FLNA: variants seen among roughly 807,000 people sequenced by gnomAD.
FLNA encodes filamin A.
In FLNA, 7 loss-of-function variants were observed where a neutral mutation model predicts 157.6. The ratio of observed to expected loss-of-function variants is 0.04; its 90% CI spans 0.03 to 0.08. The LOEUF is 0.08. Among genes scored for constraint, FLNA ranks in the 10% least tolerant of loss-of-function variants. FLNA has a pLI of 1.00. For synonymous variants in FLNA, 1,103 were observed against 1,060.8 expected, an observed-to-expected ratio of 1.04 and a Z score of -0.77; for missense variants, 1,750 against 2,398.4, an observed-to-expected ratio of 0.73 and a Z score of 5.65.
intron 2 of FLNA, among the ~76,000 whole-genome samples, chrX:154,370,368 G>A (rs1181621182): frequency 8.9e-6 from 1 of 111,972 alleles, no homozygotes; most frequent in Non-Finnish European, 1.9e-5. Context: ...AGCCATCTCC[G>A]ATGGGCGACC....
chrX:154,361,176 G>C, intron 21 of FLNA, 132 bp downstream of exon 21: 1 of 622,333 alleles, frequency 1.6e-6, no homozygotes, highest in Non-Finnish European at 2.4e-6. Context: ...ACAGGGTCAA[G>C]GTTGACAGTC....
rs1603362191 is a variant in FLNA at position 154,364,013 on chromosome X, T to C, written c.2280+9A>G. On this transcript the variant is annotated intron_variant, in intron 15 of 47. Transcript: ENST00000369850. ...GAGATGGACTAAAGGCCGGTGGAGG[T>C]TGGCTCACCCTGAAGGGGCTGTTGG... 8 of 1,209,495 alleles carry C rather than the reference T, an allele frequency of 6.6e-6. No individual in the cohort carries two copies. Among genetic ancestry groups the C allele is most frequent in the Non-Finnish European group, 8.9e-6 (8 of 894,139 alleles).
In FLNA at chrX:154,350,014, C is replaced by T. The variant is rs781940800; in HGVS notation, c.7333+17G>A. The T allele has an allele frequency of 1.4e-5, 17 of 1,207,981 alleles. No homozygotes were observed. The highest frequency in any genetic ancestry group is 1.2e-4 in the South Asian group (7 of 56,821). ...TAGCAGCTGTGTGCACACGTGCAGC[C>T]GCACCGACAGACTTACCTGTGACAC... On this transcript the variant is annotated intron_variant, in intron 45 of 47. Transcript: ENST00000369850.
Position 154,371,194 on chromosome X carries a change from C to T in FLNA, c.52G>A (p.Gly18Ser), listed in dbSNP as rs1291341232. 1.7e-6 allele frequency: 2 copies of T among 1,196,442 alleles called. No individual in the cohort carries two copies. Among genetic ancestry groups the T allele is most frequent in the African/African-American group, 1.7e-5 (1 of 57,866 alleles). The change falls in exon 2 of 48, where the codon GGC becomes AGC. Residue 18 changes from glycine to serine, a missense_variant. Physicochemically the swap from Gly to Ser is moderately conservative, Grantham distance 56. Coordinates refer to ENST00000369850, the MANE Select transcript of FLNA (RefSeq NM_001110556.2). Reference protein sequence around the residue: ...AGQSAAGAAPGGGVDTRDAEM... With the variant: ...AGQSAAGAAPSGGVDTRDAEM... Reference sequence around the variant, plus strand: ...GCGTCCCGCGTGTCGACGCCGCCGCCCGGAGCCGCGCCTGCTGCGCTCTGG... The same window carrying T: ...GCGTCCCGCGTGTCGACGCCGCCGCTCGGAGCCGCGCCTGCTGCGCTCTGG...
In FLNA at chrX:154,359,868, G is replaced by A. The variant is rs367931067; in HGVS notation, c.3843C>T (p.Asp1281=). The stretch of plus-strand genomic sequence containing the variant: ...CTCCGGTCTGTGTCAGAGCCCGGGC[G>A]TCCACACTGAACTCAGTGGTGGCCT... ...FREATTEFSV[D]ARALTQTGGP... Residue 1281 remains aspartate (D), a synonymous_variant, in exon 23 of 48, where the codon GAC becomes GAT. Coordinates refer to ENST00000369850, the MANE Select transcript of FLNA (RefSeq NM_001110556.2). 2.3e-5 allele frequency: 28 copies of A among 1,209,400 alleles called. No individual in the cohort carries two copies. The highest frequency in any genetic ancestry group is 2.1e-4 in the East Asian group (7 of 33,781).
chrX:154,369,043 G>GA (rs782011381), intron 2 of FLNA, among the ~76,000 whole-genome samples: 40 of 112,817 alleles, frequency 3.5e-4, no homozygotes, highest in Non-Finnish European at 6.0e-4. Context: ...CTCATCTTTA[G>GA]AAGCCCTGTC....
At chrX:154,373,897 T>A (rs143328960) in intron 1 of FLNA, among the ~76,000 whole-genome samples, 1 of 112,321 alleles carries the variant, frequency 8.9e-6, no homozygotes, top group East Asian at 2.8e-4. Context: ...GGGACATTGT[T>A]GGTTATATCC....
intron 44 of FLNA, 163 bp from the exon 45 acceptor site, chrX:154,350,370 G>A (rs886460376): frequency 1.5e-5 from 7 of 479,465 alleles, no homozygotes; most frequent in African/African-American, 2.4e-5. Context: ...CCTCCTGAGG[G>A]CCGAAGGTTT....
At position 154,364,090 on chromosome X, in the gene FLNA, T is replaced by C. The variant is rs782391713; in HGVS notation, c.2212A>G (p.Arg738Gly). 1.7e-6 allele frequency: 2 copies of C among 1,209,405 alleles called. No individual in the cohort carries two copies. The highest frequency in any genetic ancestry group is 3.5e-5 in the African/African-American group (2 of 57,273). Residue 738 changes from arginine (R) to glycine (G), a missense_variant, in exon 15 of 48, where the codon AGG (arginine) becomes GGG (glycine). Around this residue, in one of 5 missense-constraint regions of FLNA, gnomAD observed 648 missense variants for 805.8 expected, o/e 0.80. Transcript: ENST00000369850. Reference protein sequence around the residue: ...NGTYSCSYVPRKPVKHTAMVS... With the variant: ...NGTYSCSYVPGKPVKHTAMVS... ...ATGGCTGTGTGCTTCACCGGCTTCC[T>C]GGGCACGTAGGAGCAGCTGTAAGTG...
chrX:154,352,827 G>A lies in FLNA; in HGVS notation c.6324C>T (p.Pro2108=), dbSNP rs782691221. The change falls in exon 39 of 48, where the codon CCC becomes CCT. Residue 2108 remains proline (P), a synonymous_variant. Coordinates refer to ENST00000369850, the MANE Select transcript of FLNA (RefSeq NM_001110556.2). ...TGATGATGTAGTTGCCTGGCTCTGT[G>A]GGGCAGTAGGTGACCCTGCACGTCC... ...EDGTCRVTYC[P]TEPGNYIINI... is the part of the protein sequence containing the mutation. 47 of 1,210,493 alleles carry A rather than the reference G, an allele frequency of 3.9e-5. No individual in the cohort carries two copies. Among genetic ancestry groups the A allele is most frequent in the Non-Finnish European group, 5.0e-5 (45 of 895,151 alleles).
rs2067736642 is a variant in FLNA at position 154,364,152 on chromosome X, C to T, written c.2150G>A (p.Cys717Tyr). ...GTCCTTGACCAACGCCTCCACAGGG[C>T]AGCCTTCATTGTCCTGTCAGGCAGA... ...LRVQVQDNEG[C>Y]PVEALVKDNG... Residue 717 changes from cysteine (C) to tyrosine (Y), a missense_variant, in exon 15 of 48, where the codon TGC becomes TAC. Physicochemically the swap from Cys to Tyr is radical, Grantham distance 194. Coordinates refer to ENST00000369850, the MANE Select transcript of FLNA (RefSeq NM_001110556.2). 12 of 1,211,401 alleles carry T rather than the reference C, an allele frequency of 9.9e-6. No homozygotes were observed. The East Asian group carries it at 3.5e-4, about 36-fold the overall frequency.
chrX:154,366,968 C>G lies in FLNA; in HGVS notation c.869-118G>C. On this transcript the variant is annotated intron_variant, in intron 5 of 47. Coordinates refer to ENST00000369850, the MANE Select transcript of FLNA (RefSeq NM_001110556.2). ...AGGCACATTCCAAACTGGGCAAGTT[C>G]ATTCAGTGTGAGCTGTGGCACAGAG... 5.1e-6 allele frequency: 3 copies of G among 590,657 alleles called. No individual in the cohort carries two copies. The Admixed American group carries it at 7.3e-5, about 14-fold the overall frequency. 48.7% of individuals were successfully genotyped at this position (590,657 alleles called of 1,213,427 possible).
rs886044822 is a variant in FLNA, at chrX:154,350,119, G to A, written c.7245C>T (p.Pro2415=). Residue 2415 remains proline, a synonymous_variant, in exon 45 of 48, where the codon CCC becomes CCT. Coordinates refer to ENST00000369850, the MANE Select transcript of FLNA (RefSeq NM_001110556.2). ...CAGGCTCCCCAACTCGGATCTTGAAGGGGCTTCCAGGGATGTGGGTGCCGT... is the reference window on the plus strand; with the variant it reads ...CAGGCTCCCCAACTCGGATCTTGAAAGGGCTTCCAGGGATGTGGGTGCCGT... The part of the protein sequence containing the change: ...KFNGTHIPGS[P]FKIRVGEPGH... 1 of 1,211,471 alleles carries A rather than the reference G, an allele frequency of 8.3e-7. No homozygotes were observed. Among genetic ancestry groups the A allele is most frequent in the Admixed American group, 2.2e-5 (1 of 46,143 alleles).
In FLNA at chrX:154,350,930, A is replaced by G. The variant is rs781881872; in HGVS notation, c.7135T>C (p.Tyr2379His). ...TCACCTTGGTCAATTTCTGTGACATAGCACTCCTCCAGGGCTCCTGAGGGG... is the reference window on the plus strand; with the variant it reads ...TCACCTTGGTCAATTTCTGTGACATGGCACTCCTCCAGGGCTCCTGAGGGG... ...HSPSGALEEC[Y>H]VTEIDQDKYA... The change falls in exon 44 of 48, where the codon TAT becomes CAT. Residue 2379 changes from tyrosine (Y) to histidine (H), a missense_variant. This residue lies in a region of FLNA where 970 missense variants were observed against 1,302.6 expected (regional missense o/e 0.74). Transcript: ENST00000369850. 17 of 1,209,968 alleles carry G rather than the reference A, an allele frequency of 1.4e-5. No individual in the cohort carries two copies. In the African/African-American group the frequency reaches 2.6e-4, roughly 19 times the overall value.
chrX:154,361,303 A>T lies in FLNA; in HGVS notation c.3207+5T>A, dbSNP rs782555499. ...TACCCTTAGGGCCTCCCATACCCCA[A>T]TTACCTTGCTAGGCTTGGTGGGGGC... On this transcript the variant is annotated splice_donor_5th_base_variant and intron_variant, in intron 21 of 47. Transcript: ENST00000369850. 3 of 1,209,719 alleles carry T rather than the reference A, an allele frequency of 2.5e-6. No homozygotes were observed. The East Asian group carries it at 8.9e-5, about 36-fold the overall frequency.
At position 154,350,162 on chromosome X, in the gene FLNA, A is replaced by G. The variant is rs1603358629; in HGVS notation, c.7202T>C (p.Leu2401Pro). 8.3e-7 allele frequency: 1 copy of G among 1,211,659 alleles called. No homozygotes were observed. Among genetic ancestry groups the G allele is most frequent in the Non-Finnish European group, 1.1e-6 (1 of 895,215 alleles). ...RFIPRENGVY[L>P]IDVKFNGTHI... ...GGTGCCGTTGAACTTGACGTCAATC[A>G]GGTAAACGCCATTCTCCCGAGGGAT... Residue 2401 changes from leucine (L) to proline (P), a missense_variant, in exon 45 of 48, where the codon CTG (leucine) becomes CCG (proline). This residue lies in a region of FLNA where 970 missense variants were observed against 1,302.6 expected (regional missense o/e 0.74). Transcript: ENST00000369850.
In FLNA at chrX:154,348,893, C is replaced by A. The variant is rs782341270; in HGVS notation, c.7900G>T (p.Asp2634Tyr). Residue 2634 changes from aspartate to tyrosine, a missense_variant, in exon 48 of 48, where the codon GAC becomes TAC. By Grantham distance (160) the Asp-to-Tyr change is radical. This residue lies in a region of FLNA where 970 missense variants were observed against 1,302.6 expected (regional missense o/e 0.74). Coordinates refer to ENST00000369850, the MANE Select transcript of FLNA (RefSeq NM_001110556.2). Reference protein sequence around the residue: ...GEYTLVVKWGDEHIPGSPYRV... With the variant: ...GEYTLVVKWGYEHIPGSPYRV... ...TAGGGGCTGCCTGGGATGTGCTCGT[C>A]CCCCCATTTGACCACCAGTGTGTAC... 5.0e-6 allele frequency: 6 copies of A among 1,208,664 alleles called. No homozygotes were observed. In the African/African-American group the frequency reaches 8.7e-5, roughly 18 times the overall value.
Position 154,364,308 on chromosome X carries a change from G to A in FLNA, c.2087C>T (p.Thr696Ile). 1 of 1,211,601 alleles carries A rather than the reference G, an allele frequency of 8.3e-7. No homozygotes were observed. Among genetic ancestry groups the A allele is most frequent in the Non-Finnish European group, 1.1e-6 (1 of 895,492 alleles). ...GVAVNKPAEF[T>I]VDAKHGGKAP... ...CTTGCCACCGTGCTTGGCATCCACT[G>A]TGAACTCTGCTGGCTTGTTGACGGC... Residue 696 changes from threonine to isoleucine, a missense_variant, in exon 14 of 48, where the codon ACA (threonine) becomes ATA (isoleucine). Thr to Ile is a moderately conservative substitution (Grantham distance 89). Around this residue, in one of 5 missense-constraint regions of FLNA, gnomAD observed 648 missense variants for 805.8 expected, o/e 0.80. Transcript: ENST00000369850.
chrX:154,354,533 G>A, intron 32 of FLNA, 50 bp from the exon 33 acceptor site: 1 of 1,177,674 alleles, frequency 8.5e-7, no homozygotes. Flanking sequence ...AGGATCTGGG[G>A]TCCCTCCTCA....
Sources: gnomAD v4.1 joint callset for allele counts (sites outside exome capture counted in the v4.1 genomes callset) on GRCh38, gnomAD v4.1.1 for gene constraint, gnomAD v4.1.1 regional missense constraint, MANE v1.5 for transcripts, NCBI Gene and HGNC (gene_info 2026-07-23, HGNC 2026-07-21) for gene names.